Variants in SPTBN4 observed in about 807,000 individuals in gnomAD.
SPTBN4 encodes the protein spectrin beta chain, non-erythrocytic 4.
In SPTBN4, 96 loss-of-function variants were observed where a neutral mutation model predicts 277.8. The observed-to-expected ratio is 0.35, with a 90% CI of 0.29 to 0.41. SPTBN4 has a LOEUF of 0.41. Ranked by LOEUF, SPTBN4 falls within the 10% of genes least tolerant of loss-of-function variation. The pLI is 1.00. For synonymous variants in SPTBN4, 1,481 were observed against 1,580.3 expected (o/e 0.94, Z 1.49); for missense variants, 3,006 against 3,595.7 (o/e 0.84, Z 4.19).
At chr19:40,539,502 A>G (rs2080774690) in intron 20 of SPTBN4, among the ~76,000 whole-genome samples, 1 of 151,956 alleles carries the variant, frequency 6.6e-6, no homozygotes, top group Middle Eastern at 3.2e-3. Flanking sequence ...TTTAAGAGGG[A>G]GTCTCACTCT....
chr19:40,522,059 C>G (rs1285821141), intron 16 of SPTBN4, among the ~76,000 whole-genome samples: 2 of 152,212 alleles, frequency 1.3e-5, no homozygotes, highest in African/African-American at 4.8e-5. Context: ...CAGGACCTCA[C>G]TCTGTCACCC....
intron 20 of SPTBN4, chr19:40,534,665 T>C: frequency 2.9e-6 from 1 of 345,544 alleles, no homozygotes; most frequent in South Asian, 3.5e-5. Flanking sequence ...CTCAGGGGTA[T>C]GGGAATGGCT....
intron 22 of SPTBN4, among the ~76,000 whole-genome samples, chr19:40,552,493 A>G (rs1377227460): frequency 4.7e-5 from 7 of 148,856 alleles, no homozygotes; most frequent in Non-Finnish European, 6.0e-5. Context: ...AAAAAAAAAG[A>G]TTTACTGTGT....
At position 40,512,764 on chromosome 19, in the gene SPTBN4, T is replaced by C. The variant is rs1451496129; in HGVS notation, c.1975T>C (p.Trp659Arg). The C allele has an allele frequency of 1.3e-6, 2 of 1,508,148 alleles. No individual in the cohort carries two copies. Among genetic ancestry groups the C allele is most frequent in the Non-Finnish European group, 1.8e-6 (2 of 1,137,070 alleles). The allele number at this position is 1,508,148 out of a possible 1,614,324, so 93.4% of individuals were successfully genotyped here. A position where few individuals can be genotyped will look rare whatever the true frequency, so the allele number is the denominator to read the frequency against. ...GCAGGAGCTGGAGGAGGCCGAGAGC[T>C]GGGCGCGCGACAAGGAGCGTCTCCT... ...LLQELEEAES[W>R]ARDKERLLEA... The change falls in exon 14 of 36, where the codon TGG becomes CGG. Residue 659 changes from tryptophan (W) to arginine (R), a missense_variant. Trp to Arg is a moderately radical substitution (Grantham distance 101). Transcript: ENST00000598249.
rs1377426260 is a variant in SPTBN4 at position 40,550,093 on chromosome 19, AAAC to A, written c.4585-142_4585-140del. 1,126 of 631,642 alleles carry A rather than the reference AAAC, an allele frequency of 1.8e-3. 1 individual carries two copies. Among genetic ancestry groups the A allele is most frequent in the Non-Finnish European group, 2.6e-3 (972 of 369,978 alleles). 39.1% of individuals were successfully genotyped at this position (631,642 alleles called of 1,614,324 possible). A position where few individuals can be genotyped will look rare whatever the true frequency, so the allele number is the denominator to read the frequency against. On this transcript the variant is annotated intron_variant, in intron 21 of 35. Transcript: ENST00000598249. ...CGATCCCATCTCAAAGAAAAAAAAA[AAAC>A]AAAAAATGGAGGAGGCTGAATATTC...
chr19:40,495,849 G>A (rs1050332695), intron 6 of SPTBN4, among the ~76,000 whole-genome samples: 1 of 152,036 alleles, frequency 6.6e-6, no homozygotes, highest in Admixed American at 6.6e-5. Flanking sequence ...AGACTCAGGC[G>A]CAGGAAGGGG....
intron 2 of SPTBN4, among the ~76,000 whole-genome samples, chr19:40,484,510 G>C (rs2080046758): frequency 6.6e-6 from 1 of 152,164 alleles, no homozygotes; most frequent in African/African-American, 2.4e-5. Flanking sequence ...AGCTCAGAGA[G>C]GTCAGTGTAC....
chr19:40,474,902 C>A (rs912993291), intron 2 of SPTBN4, among the ~76,000 whole-genome samples: 1 of 151,878 alleles, frequency 6.6e-6, no homozygotes, highest in African/African-American at 2.4e-5. Context: ...CAAAACAAAA[C>A]AAAAAAATTT....
intron 26 of SPTBN4, among the ~76,000 whole-genome samples, chr19:40,557,660 C>T (rs868868481): frequency 1.3e-4 from 20 of 152,212 alleles, no homozygotes; most frequent in African/African-American, 4.6e-4. Context: ...TCTGGCTGGG[C>T]GTGGTGGCTC....
Position 40,560,485 on chromosome 19 carries a change from C to G in SPTBN4, c.5915+82C>G. The G allele has an allele frequency of 1.9e-6, 3 of 1,604,064 alleles. No homozygotes were observed. The highest frequency in any genetic ancestry group is 2.6e-6 in the Non-Finnish European group (3 of 1,174,014). On this transcript the variant is annotated intron_variant, in intron 27 of 35. Coordinates refer to ENST00000598249, the MANE Select transcript of SPTBN4 (RefSeq NM_020971.3). The surrounding 1 kb of genome is among the most constrained non-coding windows in gnomAD (Gnocchi z 5.2). The stretch of plus-strand genomic sequence containing the variant: ...CCCCCAGCCCATTGACAGCCCCCTT[C>G]TCAATGGAATGACAACAGCCAATAT...
chr19:40,523,558 T>C lies in SPTBN4; in HGVS notation c.3776T>C (p.Val1259Ala). The C allele has an allele frequency of 6.2e-7, 1 of 1,614,150 alleles. No homozygotes were observed. Among genetic ancestry groups the C allele is most frequent in the Non-Finnish European group, 8.5e-7 (1 of 1,180,026 alleles). ...AGCCAGCAAAAGATGCAGGTGGCCG[T>C]GCAGGCTGCAGAGGGCCTGCTGAGG... ...ELSQQKMQVA[V>A]QAAEGLLRQG... Residue 1259 changes from valine (V) to alanine (A), a missense_variant, in exon 17 of 36, where the codon GTG (valine) becomes GCG (alanine). Transcript: ENST00000598249.
At chr19:40,527,199 C>T (rs1169911808) in intron 17 of SPTBN4, among the ~76,000 whole-genome samples, 1 of 152,128 alleles carries the variant, frequency 6.6e-6, no homozygotes, top group Non-Finnish European at 1.5e-5. Context: ...CTGTTTTTCT[C>T]TCCGTTTTTC....
chr19:40,475,394 A>C (rs1568754407), intron 2 of SPTBN4, among the ~76,000 whole-genome samples: 2 of 152,112 alleles, frequency 1.3e-5, no homozygotes. Flanking sequence ...AAATCTTAGA[A>C]CTTTAGTAAC....
In SPTBN4 at chr19:40,534,352, T is replaced by C. The variant is rs2080711681; in HGVS notation, c.4359+9T>C. 1 of 1,611,156 alleles carries C rather than the reference T, an allele frequency of 6.2e-7. No homozygotes were observed. The highest frequency in any genetic ancestry group is 1.3e-5 in the African/African-American group (1 of 74,880). On this transcript the variant is annotated intron_variant, in intron 20 of 35. Coordinates refer to ENST00000598249, the MANE Select transcript of SPTBN4 (RefSeq NM_020971.3). ...AGCTCAAGAAGCTGCAGGTATGGTC[T>C]TCCTGGCCCAGATGAGGGCTCCCTA...
intron 20 of SPTBN4, 128 bp downstream of exon 20, chr19:40,534,471 A>G: frequency 7.9e-7 from 1 of 1,272,854 alleles, no homozygotes; most frequent in Admixed American, 2.7e-5. Flanking sequence ...CTTGTAGAAG[A>G]TGAGAAAGGG....
chr19:40,486,273 G>A (rs969224091), intron 2 of SPTBN4, among the ~76,000 whole-genome samples: 1 of 151,932 alleles, frequency 6.6e-6, no homozygotes, highest in Non-Finnish European at 1.5e-5. Flanking sequence ...CCTGGGCAAC[G>A]TAGTGAGACC....
chr19:40,527,484 C>T (rs1261006186), intron 17 of SPTBN4, among the ~76,000 whole-genome samples: 2 of 152,102 alleles, frequency 1.3e-5, no homozygotes, highest in African/African-American at 2.4e-5. Context: ...ACATATAGCA[C>T]GTGTTAGATT....
In SPTBN4 at chr19:40,519,401, GT is replaced by G. The variant is rs745943539; in HGVS notation, c.2905del (p.Trp969GlyfsTer7). 1 of 1,559,710 alleles carries G rather than the reference GT, an allele frequency of 6.4e-7. No homozygotes were observed. The highest frequency in any genetic ancestry group is 1.2e-5 in the South Asian group (1 of 83,012). ...AAGTCACTCTCTTTCCCCTGGGCAGGTGGAACCGCATCGTGGAGCTAGTGGA... is the reference window on the plus strand; with the variant it reads ...AAGTCACTCTCTTTCCCCTGGGCAGGGGAACCGCATCGTGGAGCTAGTGGA... ...RSCQDHLNSR[W>X]NRIVELVEQR... On this transcript the variant is annotated frameshift_variant and splice_region_variant, in exon 16 of 36. Coordinates refer to ENST00000598249, the MANE Select transcript of SPTBN4 (RefSeq NM_020971.3). LOFTEE classifies it high-confidence loss of function. This position sits in a 1 kb window ranked among gnomAD's most constrained non-coding sequence, Gnocchi z 5.7.
Position 40,567,989 on chromosome 19 carries a change from C to T in SPTBN4, c.6663C>T (p.Pro2221=). ...ACGCGGCGGAGACCCCCGCGACCCC[C>T]GCGGCGGCGGAGCAGGTGCGGCCAC... is the stretch of plus-strand genomic sequence containing the variant. ...PEDAAETPAT[P]AAAEQVRPRP... Residue 2221 remains proline (P), a synonymous_variant, in exon 31 of 36, where the codon CCC becomes CCT. Coordinates refer to ENST00000598249, the MANE Select transcript of SPTBN4 (RefSeq NM_020971.3). 2 of 1,500,914 alleles carry T rather than the reference C, an allele frequency of 1.3e-6. No individual in the cohort carries two copies. The highest frequency in any genetic ancestry group is 1.8e-6 in the Non-Finnish European group (2 of 1,130,788). 93.0% of individuals were successfully genotyped at this position (1,500,914 alleles called of 1,614,324 possible).
Sources: gnomAD v4.1 joint callset for allele counts (sites outside exome capture counted in the v4.1 genomes callset) on GRCh38, gnomAD v4.1.1 for gene constraint, Gnocchi (gnomAD v3.1) non-coding constraint, MANE v1.5 for transcripts, NCBI Gene and HGNC (gene_info 2026-07-23, HGNC 2026-07-21) for gene names.